The following ZSWIM5 variants were observed in gnomAD, a reference collection of about 807,000 sequenced individuals.
ZSWIM5 encodes the protein zinc finger SWIM domain-containing protein 5.
A neutral mutation model predicts 119.6 loss-of-function variants in ZSWIM5; 55 were observed. The observed-to-expected ratio is 0.46, with a 90% CI of 0.37 to 0.58. ZSWIM5 has a LOEUF of 0.58. Among genes scored for constraint, ZSWIM5 ranks in the 20% least tolerant of loss-of-function variants. The pLI, the probability that ZSWIM5 is intolerant of heterozygous loss-of-function variation, is 0.00. For missense variants in ZSWIM5, 1,193 were observed against 1,512.8 expected (o/e 0.79, Z 3.51); for synonymous variants, 537 against 606.9 (o/e 0.88, Z 1.69).
chr1:45,111,233 T>A (rs1645515280), intron 1 of ZSWIM5, among the ~76,000 whole-genome samples: 1 of 152,172 alleles, frequency 6.6e-6, no homozygotes, highest in Admixed American at 6.5e-5. Flanking sequence ...ATCTGCATTA[T>A]TTGACATGCA....
intron 1 of ZSWIM5, among the ~76,000 whole-genome samples, chr1:45,197,852 G>A (rs1395813512): frequency 1.3e-5 from 2 of 152,206 alleles, no homozygotes; most frequent in Non-Finnish European, 2.9e-5. Flanking sequence ...ATTGAAGCAA[G>A]AACAAATACC....
At chr1:45,151,379 TG>T (rs1645796101) in intron 1 of ZSWIM5, among the ~76,000 whole-genome samples, 2 of 152,074 alleles carry the variant, frequency 1.3e-5, no homozygotes. Context: ...GCTTGATGGA[TG>T]TTTGCAAAAT....
intron 1 of ZSWIM5, among the ~76,000 whole-genome samples, chr1:45,191,350 C>G (rs1315491776): frequency 6.6e-6 from 1 of 152,170 alleles, no homozygotes. Flanking sequence ...AATCAGCTGA[C>G]AGTTGGAAGC....
chr1:45,032,707 A>G (rs937835145), intron 11 of ZSWIM5, among the ~76,000 whole-genome samples: 6 of 151,474 alleles, frequency 4.0e-5, no homozygotes, highest in African/African-American at 1.5e-4. Flanking sequence ...GGATGTTCTC[A>G]AACTCCTGAT....
At position 45,019,721 on chromosome 1, in the gene ZSWIM5, G is replaced by GT. The variant is rs1644875733; in HGVS notation, c.2695+344dup. On this transcript the variant is annotated intron_variant, in intron 13 of 13. Coordinates refer to ENST00000359600, the MANE Select transcript of ZSWIM5 (RefSeq NM_020883.2). The surrounding 1 kb of genome is among the most constrained non-coding windows in gnomAD (Gnocchi z 5.0). ...GTCCTGAGCCTCTAAGTTGTCTGGA[G>GT]TTTTTTACAAGCATGCACAGGGATG... 1.3e-5 allele frequency among the ~76,000 whole-genome samples: 2 copies of GT among 152,164 alleles called. No individual in the cohort carries two copies. The highest frequency in any genetic ancestry group is 1.3e-4 in the Admixed American group (2 of 15,276).
At position 45,033,738 on chromosome 1, in the gene ZSWIM5, C is replaced by T. The variant is rs139094879; in HGVS notation, c.2449+574G>A. Among the ~76,000 whole-genome samples, 1,139 of 152,140 alleles carry T rather than the reference C, an allele frequency of 7.5e-3. 15 individuals carry two copies. The highest frequency in any genetic ancestry group is 0.026 in the African/African-American group (1,081 of 41,490). ...CCATTTTATAGATTTGAAACTGAGG[C>T]GTAGAAAGGTGAAGTGATTTTATCA... On this transcript the variant is annotated intron_variant, in intron 11 of 13. Transcript: ENST00000359600.
chr1:45,187,761 C>T (rs1646067969), intron 1 of ZSWIM5, among the ~76,000 whole-genome samples: 1 of 151,816 alleles, frequency 6.6e-6, no homozygotes, highest in Non-Finnish European at 1.5e-5. Context: ...ATAAAAAAAT[C>T]CAATTTAAAA....
Position 45,034,334 on chromosome 1 carries a change from G to A in ZSWIM5, c.2427C>T (p.Ser809=). ...CACCTTTGGCAGCAGTCAGCATGGTGGAGGCCAGTTCACACTGCTGTGATT... is the reference window on the plus strand; with the variant it reads ...CACCTTTGGCAGCAGTCAGCATGGTAGAGGCCAGTTCACACTGCTGTGATT... ...HLESQQCELA[S]TMLTAAKGDT... is the part of the protein sequence containing the mutation. The change falls in exon 11 of 14, where the codon TCC becomes TCT. Residue 809 remains serine, a synonymous_variant. Coordinates refer to ENST00000359600, the MANE Select transcript of ZSWIM5 (RefSeq NM_020883.2). 6.2e-7 allele frequency: 1 copy of A among 1,611,424 alleles called. No individual in the cohort carries two copies. The highest frequency in any genetic ancestry group is 8.5e-7 in the Non-Finnish European group (1 of 1,178,784).
At chr1:45,080,451 G>T (rs1557758908) in intron 2 of ZSWIM5, among the ~76,000 whole-genome samples, 1 of 152,178 alleles carries the variant, frequency 6.6e-6, no homozygotes, top group Non-Finnish European at 1.5e-5. Context: ...TGCAATTTCT[G>T]TTTTCCCAGT....
chr1:45,038,604 C>CTTTTTTTTT lies in ZSWIM5; in HGVS notation c.1894+323_1894+331dup, dbSNP rs55717021. ...GGAGAAAAGGGCTGACGAGGGCAGT[C>CTTTTTTTTT]TTTTTTTTTTTTTTTTTAATGAAAC... is the stretch of plus-strand genomic sequence containing the variant. On this transcript the variant is annotated intron_variant, in intron 8 of 13. Coordinates refer to ENST00000359600, the MANE Select transcript of ZSWIM5 (RefSeq NM_020883.2). Among the ~76,000 whole-genome samples, 39 of 48,504 alleles carry CTTTTTTTTT rather than the reference C, an allele frequency of 8.0e-4. 15 individuals are homozygous for CTTTTTTTTT. The highest frequency in any genetic ancestry group is 1.0e-3 in the African/African-American group (13 of 12,594). 31.8% of individuals were successfully genotyped at this position (48,504 alleles called of 152,430 possible).
At chr1:45,204,683 T>C (rs1646176399) in intron 1 of ZSWIM5, among the ~76,000 whole-genome samples, 1 of 151,982 alleles carries the variant, frequency 6.6e-6, no homozygotes, top group Non-Finnish European at 1.5e-5. Flanking sequence ...TTTCTGTGCT[T>C]GTTTAATTCT....
intron 7 of ZSWIM5, among the ~76,000 whole-genome samples, chr1:45,039,853 C>T (rs550996006): frequency 9.3e-4 from 141 of 152,028 alleles, no homozygotes; most frequent in African/African-American, 3.2e-3. Context: ...TACAGGCACG[C>T]GCCACCACGC....
At chr1:45,105,406 G>A (rs980212130) in intron 1 of ZSWIM5, among the ~76,000 whole-genome samples, 19 of 152,166 alleles carry the variant, frequency 1.2e-4, no homozygotes, top group South Asian at 2.1e-4. Context: ...CTGCCCGGCC[G>A]CCCATCGTCT....
chr1:45,121,012 C>T (rs1027858596), intron 1 of ZSWIM5, among the ~76,000 whole-genome samples: 1 of 151,880 alleles, frequency 6.6e-6, no homozygotes, highest in Non-Finnish European at 1.5e-5. Context: ...TGTGGTGGCG[C>T]GATCTCGGCT....
intron 1 of ZSWIM5, among the ~76,000 whole-genome samples, chr1:45,176,800 T>C (rs959923347): frequency 6.6e-5 from 10 of 151,950 alleles, no homozygotes; most frequent in Non-Finnish European, 1.5e-4. Flanking sequence ...ACCCTATGGC[T>C]CTACACTCCC....
rs534599856 is a variant in ZSWIM5, at chr1:45,160,989, A to AT, written c.595+44766dup. On this transcript the variant is annotated intron_variant, in intron 1 of 13. Transcript: ENST00000359600. The stretch of plus-strand genomic sequence containing the variant: ...AGCGCCTGCCACCATGCCCGGCTAA[A>AT]TTTTTTTTTTTTTTTTTAGTAGAGA... Among the ~76,000 whole-genome samples, 239 of 122,654 alleles carry AT rather than the reference A, an allele frequency of 1.9e-3. 7 individuals are homozygous for AT. Among genetic ancestry groups the AT allele is most frequent in the South Asian group, 7.8e-3 (32 of 4,120 alleles). The allele number at this position is 122,654 out of a possible 152,430, so 80.5% of individuals were successfully genotyped here.
At position 45,171,156 on chromosome 1, in the gene ZSWIM5, A is replaced by T. The variant is rs184277870; in HGVS notation, c.595+34600T>A. Among the ~76,000 whole-genome samples the T allele has an allele frequency of 2.8e-3, 432 of 152,236 alleles. 5 individuals carry two copies. The highest frequency in any genetic ancestry group is 4.4e-4 in the Non-Finnish European group (30 of 67,988). On this transcript the variant is annotated intron_variant, in intron 1 of 13. Coordinates refer to ENST00000359600, the MANE Select transcript of ZSWIM5 (RefSeq NM_020883.2). The stretch of plus-strand genomic sequence containing the variant: ...ATTTATTCAAATAATTAACTGCCTG[A>T]TCAGTTACTGAAAAATTCTACCACT...
intron 1 of ZSWIM5, among the ~76,000 whole-genome samples, chr1:45,111,776 T>C (rs1384327928): frequency 1.3e-5 from 2 of 152,268 alleles, no homozygotes; most frequent in Non-Finnish European, 2.9e-5. Context: ...TGTGGTTGCA[T>C]TGGGCCTGCC....
At chr1:45,048,941 C>T (rs1019512860) in intron 5 of ZSWIM5, among the ~76,000 whole-genome samples, 4 of 152,040 alleles carry the variant, frequency 2.6e-5, no homozygotes, top group African/African-American at 4.8e-5. Context: ...GGCAACATGA[C>T]GAAACCCTGT....
Sources: gnomAD v4.1 joint callset for allele counts (sites outside exome capture counted in the v4.1 genomes callset) on GRCh38, gnomAD v4.1.1 for gene constraint, Gnocchi (gnomAD v3.1) non-coding constraint, MANE v1.5 for transcripts, NCBI Gene and HGNC (gene_info 2026-07-23, HGNC 2026-07-21) for gene names.